FRYL: variants seen among roughly 807,000 people sequenced by gnomAD.
FRYL encodes protein furry homolog-like.
A neutral mutation model predicts 351.2 loss-of-function variants in FRYL; 150 were observed. The ratio of observed to expected loss-of-function variants is 0.43; its 90% CI spans 0.37 to 0.49. The LOEUF (loss-of-function observed/expected upper bound fraction) is 0.49, where lower values mean the gene tolerates loss of function less well. Among genes scored for constraint, FRYL ranks in the 20% least tolerant of loss-of-function variants. The probability of loss-of-function intolerance (pLI) is 0.00; values close to 1 mark genes in which losing one functional copy is unlikely to be tolerated. For synonymous variants in FRYL, 1,153 were observed against 1,257.1 expected, an observed-to-expected ratio of 0.92 and a Z score of 1.75; for missense variants, 3,036 against 3,619.3, an observed-to-expected ratio of 0.84 and a Z score of 4.13.
chr4:48,696,525 C>T (rs1371852132), intron 2 of FRYL, among the ~76,000 whole-genome samples: 1 of 151,928 alleles, frequency 6.6e-6, no homozygotes, highest in Non-Finnish European at 1.5e-5. Flanking sequence ...TGGGGCCAGT[C>T]AGCAGGTGGG....
intron 1 of FRYL, among the ~76,000 whole-genome samples, chr4:48,741,924 A>G (rs970268310): frequency 1.3e-5 from 2 of 152,230 alleles, no homozygotes; most frequent in African/African-American, 2.4e-5. Context: ...GCTACTTTGT[A>G]TACTATAATA....
chr4:48,533,558 T>G (rs773997807), intron 49 of FRYL, among the ~76,000 whole-genome samples: 1 of 152,250 alleles, frequency 6.6e-6, no homozygotes, highest in Non-Finnish European at 1.5e-5. Context: ...TAAGTTCTGC[T>G]CTAGTGAATG....
chr4:48,581,755 A>T (rs1407901810), intron 20 of FRYL, 150 bp from the exon 21 acceptor site: 1 of 636,488 alleles, frequency 1.6e-6, no homozygotes, highest in Admixed American at 3.2e-5. Context: ...TTTTATAAAA[A>T]TGGAATAGTG....
At chr4:48,743,048 A>C (rs1276120592) in intron 1 of FRYL, among the ~76,000 whole-genome samples, 1 of 135,116 alleles carries the variant, frequency 7.4e-6, no homozygotes, top group East Asian at 2.3e-4. Context: ...TGAACTCCTG[A>C]CCTCAAGTGA....
chr4:48,679,354 G>A (rs1034333764), intron 3 of FRYL, among the ~76,000 whole-genome samples: 33 of 152,000 alleles, frequency 2.2e-4, no homozygotes, highest in African/African-American at 7.7e-4. Flanking sequence ...AAGAAAGTAT[G>A]GTTTCTCATA....
chr4:48,540,225 A>T, intron 46 of FRYL, 128 bp downstream of exon 46: 1 of 1,223,674 alleles, frequency 8.2e-7, no homozygotes, highest in Non-Finnish European at 1.1e-6. Context: ...CAAATAATTT[A>T]AGCTACCTAG....
chr4:48,763,106 T>TAAAAAAAAAAAAA (rs10683757), intron 1 of FRYL, among the ~76,000 whole-genome samples: 2 of 91,530 alleles, frequency 2.2e-5, no homozygotes, highest in Non-Finnish European at 4.1e-5. Flanking sequence ...TACAGATCTG[T>TAAAAAAAAAAAAA]AAAAAAAAAA....
chr4:48,557,821 C>T (rs1181433403), intron 33 of FRYL, 109 bp from the exon 34 acceptor site: 3 of 1,224,880 alleles, frequency 2.4e-6, no homozygotes, highest in Non-Finnish European at 3.4e-6. Flanking sequence ...TTACTCATTA[C>T]ACTTAACAAT....
intron 1 of FRYL, among the ~76,000 whole-genome samples, chr4:48,727,276 C>T (rs1243240936): frequency 1.3e-5 from 2 of 152,068 alleles, no homozygotes; most frequent in Non-Finnish European, 2.9e-5. Context: ...TGGAAGTCAT[C>T]ACTCCAAAAT....
intron 1 of FRYL, chr4:48,727,451 A>C (rs1023445870): frequency 5.9e-5 from 9 of 152,374 alleles, no homozygotes; most frequent in Admixed American, 5.2e-4. Flanking sequence ...ACCCATGAGC[A>C]GAAGGTTGAG....
intron 3 of FRYL, among the ~76,000 whole-genome samples, chr4:48,644,490 A>G (rs1270243799): frequency 8.8e-6 from 1 of 113,628 alleles, no homozygotes; most frequent in Non-Finnish European, 1.8e-5. Context: ...GATAAATCAG[A>G]TAATTGTAAA....
chr4:48,695,404 G>GT (rs1418017332), intron 2 of FRYL, among the ~76,000 whole-genome samples: 1 of 152,146 alleles, frequency 6.6e-6, no homozygotes, highest in African/African-American at 2.4e-5. Flanking sequence ...AGTTTTCCAC[G>GT]TATGATTACA....
At chr4:48,593,798 A>T in intron 16 of FRYL, 132 bp downstream of exon 16, 1 of 473,378 alleles carries the variant, frequency 2.1e-6, no homozygotes, top group Non-Finnish European at 3.7e-6. Flanking sequence ...AGAAAGGTTA[A>T]GTAACTTGTC....
intron 11 of FRYL, among the ~76,000 whole-genome samples, 177 bp downstream of exon 11, chr4:48,605,564 C>T (rs1344359878): frequency 6.6e-6 from 1 of 152,170 alleles, no homozygotes; most frequent in African/African-American, 2.4e-5. Context: ...ATCTCTAAAA[C>T]ATTGTATGAT....
chr4:48,678,507 CAAAAAAAAAAAA>C (rs10639089), intron 3 of FRYL, among the ~76,000 whole-genome samples: 3 of 71,770 alleles, frequency 4.2e-5, no homozygotes, highest in Non-Finnish European at 7.2e-5. Context: ...AACTCCATCT[CAAAAAAAAAAAA>C]AAAAAAAAAA....
intron 59 of FRYL, among the ~76,000 whole-genome samples, chr4:48,509,275 C>T (rs1298730213): frequency 2.0e-5 from 3 of 152,084 alleles, no homozygotes; most frequent in Non-Finnish European, 2.9e-5. Flanking sequence ...AAAACCCAAT[C>T]GATTTACAAA....
rs1372289387 is a variant in FRYL at position 48,550,592 on chromosome 4, T to G, written c.4633A>C (p.Ser1545Arg). Residue 1545 changes from serine to arginine, a missense_variant and splice_region_variant, in exon 38 of 64, where the codon AGT becomes CGT. Coordinates refer to ENST00000358350, the MANE Select transcript of FRYL (RefSeq NM_015030.2). The part of the protein sequence containing the change: ...SSGGSYEEEK[S>R]DSMPLYSNWR... ...ATTAAAAACATTTGGAATTTATTAC[T>G]TTTTTCTTCTTCATAAGATCCTCCA... The G allele has an allele frequency of 1.3e-6, 2 of 1,590,300 alleles. No individual in the cohort carries two copies. Among genetic ancestry groups the G allele is most frequent in the Admixed American group, 1.7e-5 (1 of 59,986 alleles).
chr4:48,561,264 C>G (rs1735447409), intron 33 of FRYL, among the ~76,000 whole-genome samples: 4 of 152,182 alleles, frequency 2.6e-5, no homozygotes, highest in Admixed American at 2.0e-4. Flanking sequence ...GTATAAAACC[C>G]TATAAGGACG....
chr4:48,778,843 C>A (rs1776306084), intron 1 of FRYL, among the ~76,000 whole-genome samples: 1 of 151,880 alleles, frequency 6.6e-6, no homozygotes, highest in Non-Finnish European at 1.5e-5. Flanking sequence ...CCCCCCAATC[C>A]GACAGACCCT....
Sources: allele counts gnomAD v4.1 joint callset (sites outside exome capture counted in the v4.1 genomes callset), GRCh38; gene constraint gnomAD v4.1.1; transcripts MANE v1.5; gene names NCBI Gene and HGNC (gene_info 2026-07-23, HGNC 2026-07-21).